The following DCP1B variants were observed in gnomAD, a reference collection of about 807,000 sequenced individuals.
DCP1B encodes mRNA-decapping enzyme 1B.
In DCP1B, 47 loss-of-function variants were observed where a neutral mutation model predicts 60.5. The observed-to-expected ratio is 0.78, with a 90% CI of 0.61 to 0.99. DCP1B has a LOEUF of 0.99. Ranked by LOEUF, DCP1B falls within the 50% of genes least tolerant of loss-of-function variation. DCP1B has a pLI of 0.00. For missense variants in DCP1B, 725 were observed against 756.8 expected (o/e 0.96, Z 0.49); for synonymous variants, 267 against 280.3 (o/e 0.95, Z 0.47).
chr12:1,977,524 T>G (rs552556548), intron 3 of DCP1B, among the ~76,000 whole-genome samples: 2 of 152,244 alleles, frequency 1.3e-5, no homozygotes, highest in African/African-American at 2.4e-5. Context: ...ATAAGTGATT[T>G]GCGAATTTTG....
intron 5 of DCP1B, among the ~76,000 whole-genome samples, chr12:1,959,933 T>C (rs113752911): frequency 0.027 from 4,118 of 150,214 alleles, 94 homozygotes; most frequent in Middle Eastern, 0.054. Flanking sequence ...GCACTCCAGC[T>C]TGGGTGACAG....
At chr12:1,963,086 CTT>C (rs1423264828) in intron 5 of DCP1B, among the ~76,000 whole-genome samples, 1 of 152,220 alleles carries the variant, frequency 6.6e-6, no homozygotes, top group African/African-American at 2.4e-5. Flanking sequence ...AGGATCAACT[CTT>C]TGGGCAAGAA....
chr12:1,974,760 A>G (rs1260290724), intron 3 of DCP1B, among the ~76,000 whole-genome samples: 2 of 152,206 alleles, frequency 1.3e-5, no homozygotes, highest in Non-Finnish European at 2.9e-5. Flanking sequence ...ATTTAGATGC[A>G]TGTCAGTCAT....
chr12:1,960,994 T>G (rs952445666), intron 5 of DCP1B, among the ~76,000 whole-genome samples: 1 of 152,132 alleles, frequency 6.6e-6, no homozygotes, highest in Non-Finnish European at 1.5e-5. Flanking sequence ...GACAACACAA[T>G]GTAAGAAGGC....
intron 3 of DCP1B, among the ~76,000 whole-genome samples, chr12:1,975,251 A>T (rs1363139155): frequency 6.6e-6 from 1 of 152,166 alleles, no homozygotes; most frequent in African/African-American, 2.4e-5. Flanking sequence ...TCTACTATGA[A>T]ATAAGAGCTC....
chr12:1,954,408 T>C (rs1484500932), intron 6 of DCP1B, among the ~76,000 whole-genome samples: 4 of 152,182 alleles, frequency 2.6e-5, no homozygotes, highest in Non-Finnish European at 4.4e-5. Context: ...TGATATAAAC[T>C]AATTCCTTTA....
intron 5 of DCP1B, among the ~76,000 whole-genome samples, chr12:1,958,395 G>A (rs1410480486): frequency 4.5e-5 from 6 of 132,902 alleles, no homozygotes; most frequent in East Asian, 2.4e-4. Context: ...CCCTAACGTC[G>A]CTCTGGGCAA....
At chr12:1,984,449 A>G (rs1021764331) in intron 3 of DCP1B, among the ~76,000 whole-genome samples, 2 of 151,992 alleles carry the variant, frequency 1.3e-5, no homozygotes, top group African/African-American at 4.8e-5. Context: ...GTCTATACTT[A>G]GAGTTTTTCT....
chr12:1,945,825 T>A (rs541845266), downstream of DCP1B, among the ~76,000 whole-genome samples: 16 of 152,238 alleles, frequency 1.1e-4, no homozygotes, highest in African/African-American at 3.6e-4. Flanking sequence ...CAGGTGGGAA[T>A]TGAACAATGA....
intron 2 of DCP1B, among the ~76,000 whole-genome samples, chr12:1,995,702 G>A (rs1371304080): frequency 6.6e-6 from 1 of 152,206 alleles, no homozygotes; most frequent in Non-Finnish European, 1.5e-5. Flanking sequence ...GCCTCTCTGT[G>A]CTGTTCTAGT....
chr12:1,981,185 G>A (rs1214546813), intron 3 of DCP1B, among the ~76,000 whole-genome samples: 1 of 152,162 alleles, frequency 6.6e-6, no homozygotes, highest in African/African-American at 2.4e-5. Context: ...ACCTTGAGAA[G>A]CTGAGCGGCT....
chr12:1,997,025 G>A (rs1256693508), intron 2 of DCP1B, among the ~76,000 whole-genome samples: 3 of 152,124 alleles, frequency 2.0e-5, no homozygotes, highest in Non-Finnish European at 4.4e-5. Flanking sequence ...ATGTTTATGT[G>A]AATGAAAAGT....
At chr12:1,958,484 A>G (rs1350438626) in intron 5 of DCP1B, among the ~76,000 whole-genome samples, 2 of 145,448 alleles carry the variant, frequency 1.4e-5, no homozygotes, top group African/African-American at 2.6e-5. Context: ...CTTTTTCTAT[A>G]AACCTCCTGG....
chr12:1,965,636 T>A lies in DCP1B; in HGVS notation c.444A>T (p.Pro148=), dbSNP rs745499958. ...AHQGTGAGIS[P]VILNSGEGKE... ...TGCCCTCTCCTGAATTGAGGATCACTGGGGAAATTCCTGCTCCAGTTCCCT... is the reference window on the plus strand; with the variant it reads ...TGCCCTCTCCTGAATTGAGGATCACAGGGGAAATTCCTGCTCCAGTTCCCT... The change falls in exon 5 of 9, where the codon CCA becomes CCT. Residue 148 remains proline, a synonymous_variant. Transcript: ENST00000280665. 1.2e-6 allele frequency: 2 copies of A among 1,614,032 alleles called. No individual in the cohort carries two copies.
At chr12:1,990,963 A>G (rs183505818) in intron 3 of DCP1B, among the ~76,000 whole-genome samples, 1 of 150,728 alleles carries the variant, frequency 6.6e-6, no homozygotes, top group Non-Finnish European at 1.5e-5. Context: ...TGCAAAGGCA[A>G]TCAGTATCAG....
chr12:1,982,592 A>G (rs1453750278), intron 3 of DCP1B, among the ~76,000 whole-genome samples: 1 of 152,200 alleles, frequency 6.6e-6, no homozygotes, highest in Non-Finnish European at 1.5e-5. Flanking sequence ...GTATGTGTAT[A>G]TAATATTTTG....
rs578231452 is a variant in DCP1B at position 1,958,473 on chromosome 12, G to A, written c.523-2913C>T. Among the ~76,000 whole-genome samples, 85 of 100,094 alleles carry A rather than the reference G, an allele frequency of 8.5e-4. 1 individual carries two copies. The highest frequency in any genetic ancestry group is 1.3e-3 in the African/African-American group (34 of 26,052). 65.7% of individuals were successfully genotyped at this position (100,094 alleles called of 152,430 possible). On this transcript the variant is annotated intron_variant, in intron 5 of 8. Coordinates refer to ENST00000280665, the MANE Select transcript of DCP1B (RefSeq NM_152640.5). ...CTCCCTAACGTCGCTCTGGGCAATG[G>A]CTTTTTCTATAAACCTCCTGGAAGA...
At chr12:1,943,814 C>A (rs906653853), downstream of DCP1B, among the ~76,000 whole-genome samples, 5 of 152,202 alleles carry the variant, frequency 3.3e-5, no homozygotes. Flanking sequence ...CTATTTATGA[C>A]AAACCCACAG....
intron 5 of DCP1B, among the ~76,000 whole-genome samples, chr12:1,957,859 C>T (rs180837768): frequency 2.0e-4 from 31 of 152,364 alleles, no homozygotes; most frequent in African/African-American, 7.2e-4. Context: ...CTTCACTTTA[C>T]CCATATCATA....
Sources: gnomAD v4.1 joint callset for allele counts (sites outside exome capture counted in the v4.1 genomes callset) on GRCh38, gnomAD v4.1.1 for gene constraint, MANE v1.5 for transcripts, NCBI Gene and HGNC (gene_info 2026-07-23, HGNC 2026-07-21) for gene names.